PEBP4: variants seen among roughly 807,000 people sequenced by gnomAD.
PEBP4 encodes the protein phosphatidylethanolamine-binding protein 4.
PEBP4 carries 22 observed loss-of-function variants against 23.9 expected under a neutral mutation model. The observed-to-expected ratio is 0.92, with a 90% confidence interval of 0.66 to 1.31. The LOEUF is 1.31. Among genes scored for constraint, PEBP4 ranks in the 40% most tolerant of loss-of-function variants. The pLI is 0.00. For synonymous variants in PEBP4, 112 were observed against 99.3 expected, an observed-to-expected ratio of 1.13 and a Z score of -0.76; for missense variants, 324 against 281.7, an observed-to-expected ratio of 1.15 and a Z score of -1.07.
At chr8:22,922,045 C>A (rs575278708) in intron 2 of PEBP4, among the ~76,000 whole-genome samples, 1 of 152,308 alleles carries the variant, frequency 6.6e-6, no homozygotes, top group African/African-American at 2.4e-5. Context: ...ATTAAACAAG[C>A]AAAATCATCA....
chr8:22,755,326 CTTTTTTTTTTTT>C (rs547269095), intron 4 of PEBP4, among the ~76,000 whole-genome samples: 1,176 of 114,616 alleles, frequency 0.01, 20 homozygotes, highest in African/African-American at 0.037. Context: ...TTCTCTCCCT[CTTTTTTTTTTTT>C]TTTTTTTTTT....
At chr8:22,778,430 G>C (rs991322671) in intron 4 of PEBP4, among the ~76,000 whole-genome samples, 7 of 151,446 alleles carry the variant, frequency 4.6e-5, no homozygotes, top group African/African-American at 1.7e-4. Flanking sequence ...TGTTGCCCCG[G>C]CTGGAGTGCA....
At chr8:22,733,278 C>A in intron 4 of PEBP4, among the ~76,000 whole-genome samples, 2 of 152,316 alleles carry the variant, frequency 1.3e-5, no homozygotes, top group Middle Eastern at 6.8e-3. Flanking sequence ...AGTCCGTGGG[C>A]GCCCTGGCCC....
At chr8:22,885,264 T>C (rs140639744) in intron 3 of PEBP4, 1 of 152,292 alleles carries the variant, frequency 6.6e-6, no homozygotes, top group East Asian at 1.9e-4. Context: ...CCAACAATCA[T>C]GAGATGGTTT....
chr8:22,915,110 C>T (rs546004613), intron 3 of PEBP4, among the ~76,000 whole-genome samples: 89 of 152,208 alleles, frequency 5.8e-4, no homozygotes, highest in African/African-American at 1.9e-3. Flanking sequence ...ATGGGTTCCA[C>T]GTCCTTAACA....
rs1805449888 is a variant in PEBP4 at position 22,759,100 on chromosome 8, G to GTGGCTCT, written c.358-31881_358-31880insAGAGCCA. On this transcript the variant is annotated intron_variant, in intron 4 of 6. Transcript: ENST00000256404. ...TGGCCTTGGGGGAGTGATCCCAGGTGGCTAGAGTGGCCACAGCAGTCTGGT... is the reference window on the plus strand; with the variant it reads ...TGGCCTTGGGGGAGTGATCCCAGGTGTGGCTCTGCTAGAGTGGCCACAGCAGTCTGGT... 2.0e-5 allele frequency among the ~76,000 whole-genome samples: 3 copies of GTGGCTCT among 152,304 alleles called. No homozygotes were observed. The South Asian group carries it at 6.2e-4, about 32-fold the overall frequency.
intron 3 of PEBP4, among the ~76,000 whole-genome samples, chr8:22,836,661 T>G (rs549820488): frequency 6.6e-6 from 1 of 152,292 alleles, no homozygotes; most frequent in Admixed American, 6.5e-5. Flanking sequence ...GGTGGCGAGT[T>G]CAAATCCTCA....
At chr8:22,746,200 C>A (rs564270208) in intron 4 of PEBP4, among the ~76,000 whole-genome samples, 1 of 152,178 alleles carries the variant, frequency 6.6e-6, no homozygotes, top group Admixed American at 6.5e-5. Context: ...CCTGTTAGAT[C>A]TGCCCCAGGC....
chr8:22,882,021 G>C (rs1585322218), intron 3 of PEBP4, among the ~76,000 whole-genome samples: 1 of 152,330 alleles, frequency 6.6e-6, no homozygotes, highest in Non-Finnish European at 1.5e-5. Flanking sequence ...GGAAGGGGTT[G>C]TCAATGATAC....
chr8:22,772,321 G>C (rs1484037502), intron 4 of PEBP4, among the ~76,000 whole-genome samples: 1 of 152,222 alleles, frequency 6.6e-6, no homozygotes, highest in African/African-American at 2.4e-5. Flanking sequence ...ACTTTGGGCT[G>C]AGATAATTCT....
rs142318179 is a variant in PEBP4 at position 22,857,441 on chromosome 8, G to A, written c.259-39706C>T. 1.6e-3 allele frequency among the ~76,000 whole-genome samples: 248 copies of A among 152,280 alleles called. 2 individuals carry two copies. The highest frequency in any genetic ancestry group is 5.6e-3 in the African/African-American group (232 of 41,560). ...GCCAGAGCCAAGTTCTTGAAGGACC[G>A]CCAGGAGTGGAAGACTCAGTGCACA... is the stretch of plus-strand genomic sequence containing the variant. On this transcript the variant is annotated intron_variant, in intron 3 of 6. Transcript: ENST00000256404.
chr8:22,892,195 A>G (rs752318487), intron 3 of PEBP4, among the ~76,000 whole-genome samples: 2 of 152,234 alleles, frequency 1.3e-5, no homozygotes, highest in African/African-American at 4.8e-5. Context: ...AAATATCTGA[A>G]TAGTTTTCTA....
At chr8:22,798,149 C>G (rs971517085) in intron 4 of PEBP4, among the ~76,000 whole-genome samples, 6 of 152,142 alleles carry the variant, frequency 3.9e-5, no homozygotes, top group African/African-American at 1.4e-4. Context: ...AAAAGAACAG[C>G]ACTCAGATAG....
At chr8:22,897,340 G>A (rs1296743794) in intron 3 of PEBP4, among the ~76,000 whole-genome samples, 2 of 152,134 alleles carry the variant, frequency 1.3e-5, no homozygotes, top group East Asian at 1.9e-4. Flanking sequence ...GGATGGAGGA[G>A]GGGAGGTAGA....
chr8:22,744,395 A>T (rs952825459), intron 4 of PEBP4, among the ~76,000 whole-genome samples: 3 of 152,166 alleles, frequency 2.0e-5, no homozygotes, highest in Non-Finnish European at 4.4e-5. Context: ...GCCACAGGCC[A>T]CCATGACAGG....
intron 4 of PEBP4, among the ~76,000 whole-genome samples, chr8:22,751,460 G>A (rs1046651665): frequency 2.0e-5 from 3 of 152,148 alleles, no homozygotes; most frequent in South Asian, 2.1e-4. Context: ...TGAACTAAGG[G>A]AGGAATCTAG....
At chr8:22,832,113 A>G (rs1413044486) in intron 3 of PEBP4, among the ~76,000 whole-genome samples, 1 of 152,184 alleles carries the variant, frequency 6.6e-6, no homozygotes, top group Non-Finnish European at 1.5e-5. Context: ...ATGGGTCAGC[A>G]TGGCACAAAA....
At chr8:22,741,574 G>T (rs1396529762) in intron 4 of PEBP4, among the ~76,000 whole-genome samples, 1 of 152,218 alleles carries the variant, frequency 6.6e-6, no homozygotes, top group Non-Finnish European at 1.5e-5. Flanking sequence ...GAGCCCCAGG[G>T]AGAGGAAGGG....
chr8:22,739,750 A>G (rs1319604027), intron 4 of PEBP4, among the ~76,000 whole-genome samples: 29 of 152,054 alleles, frequency 1.9e-4, no homozygotes, highest in Admixed American at 1.9e-3. Context: ...CTGTCTGGGT[A>G]AGAATGGCCC....
Sources: gnomAD v4.1 joint callset for allele counts (sites outside exome capture counted in the v4.1 genomes callset) on GRCh38, gnomAD v4.1.1 for gene constraint, MANE v1.5 for transcripts, NCBI Gene and HGNC (gene_info 2026-07-23, HGNC 2026-07-21) for gene names.